The following SYNDIG1 variants were observed in gnomAD, a reference collection of about 807,000 sequenced individuals.
SYNDIG1 encodes the protein synapse differentiation-inducing gene protein 1.
In SYNDIG1, 9 loss-of-function variants were observed where a neutral mutation model predicts 19.4. The ratio of observed to expected loss-of-function variants is 0.46; its 90% CI spans 0.28 to 0.81. The LOEUF is 0.81. Ranked by LOEUF, SYNDIG1 falls within the 30% of genes least tolerant of loss-of-function variation. SYNDIG1 has a pLI of 0.12. For missense variants in SYNDIG1, 311 were observed against 343.3 expected (o/e 0.91, Z 0.74); for synonymous variants, 141 against 145.9 (o/e 0.97, Z 0.24).
intron 1 of SYNDIG1, among the ~76,000 whole-genome samples, chr20:24,542,403 A>G (rs891022307): frequency 5.3e-5 from 8 of 152,300 alleles, no homozygotes; most frequent in African/African-American, 1.7e-4. Flanking sequence ...GTGCTACTCA[A>G]GATTCTGCAT....
At chr20:24,555,375 T>C (rs2057793140) in intron 2 of SYNDIG1, among the ~76,000 whole-genome samples, 1 of 152,226 alleles carries the variant, frequency 6.6e-6, no homozygotes, top group Non-Finnish European at 1.5e-5. Flanking sequence ...CTTGCTTTTC[T>C]AGTTCTTTTA....
chr20:24,627,353 C>G (rs770561013), intron 3 of SYNDIG1, among the ~76,000 whole-genome samples: 20 of 152,176 alleles, frequency 1.3e-4, no homozygotes, highest in Non-Finnish European at 2.2e-4. Flanking sequence ...AACAGTGGTT[C>G]TCAGTCTTAT....
chr20:24,613,612 T>G (rs2058882927), intron 3 of SYNDIG1, among the ~76,000 whole-genome samples: 1 of 151,994 alleles, frequency 6.6e-6, no homozygotes, highest in Non-Finnish European at 1.5e-5. Context: ...AGGCTCTCCC[T>G]TCATGCTTGC....
intron 1 of SYNDIG1, among the ~76,000 whole-genome samples, chr20:24,511,401 C>A (rs187499702): frequency 1.5e-3 from 225 of 152,322 alleles, no homozygotes; most frequent in Non-Finnish European, 2.5e-3. Flanking sequence ...CAGCATAGAA[C>A]TTTCCCAGCA....
chr20:24,508,925 A>G (rs1040776649), intron 1 of SYNDIG1, among the ~76,000 whole-genome samples: 3 of 152,200 alleles, frequency 2.0e-5, no homozygotes, highest in East Asian at 3.8e-4. Context: ...TAAAAACCCA[A>G]TTGCCCAGAT....
intron 1 of SYNDIG1, among the ~76,000 whole-genome samples, chr20:24,477,659 G>A (rs528984628): frequency 1.3e-5 from 2 of 152,294 alleles, no homozygotes; most frequent in East Asian, 3.9e-4. Flanking sequence ...ACCTGCAGAG[G>A]TTACTGAGGG....
chr20:24,561,807 A>C (rs1208663435), intron 2 of SYNDIG1, among the ~76,000 whole-genome samples: 1 of 152,216 alleles, frequency 6.6e-6, no homozygotes, highest in African/African-American at 2.4e-5. Flanking sequence ...AATATGGACA[A>C]AGAATGTGTT....
chr20:24,637,790 C>T (rs1217057506), intron 3 of SYNDIG1, among the ~76,000 whole-genome samples: 1 of 152,206 alleles, frequency 6.6e-6, no homozygotes, highest in East Asian at 1.9e-4. Context: ...AGGCAGTGGG[C>T]TGCACCCACC....
Position 24,550,535 on chromosome 20 carries a change from GTCTC to G in SYNDIG1, c.480+6964_480+6967del, listed in dbSNP as rs1278716581. On this transcript the variant is annotated intron_variant, in intron 2 of 3. Transcript: ENST00000376862. ...TGCTTTTTTTTTTTTTTGAGACGGA[GTCTC>G]TCTCTGTCGCCCAGGCTGGAGTGCA... Among the ~76,000 whole-genome samples the G allele has an allele frequency of 2.7e-5, 4 of 149,226 alleles. No individual in the cohort carries two copies. In the East Asian group the frequency reaches 5.9e-4, roughly 22 times the overall value.
intron 1 of SYNDIG1, among the ~76,000 whole-genome samples, chr20:24,487,079 G>T (rs1338549345): frequency 2.0e-5 from 3 of 151,926 alleles, no homozygotes; most frequent in African/African-American, 4.8e-5. Flanking sequence ...TGTGGGGTGG[G>T]GGGTATTTGG....
intron 1 of SYNDIG1, among the ~76,000 whole-genome samples, chr20:24,489,100 G>A (rs527701414): frequency 6.6e-6 from 1 of 152,332 alleles, no homozygotes; most frequent in South Asian, 2.1e-4. Flanking sequence ...TTAGAAGGCA[G>A]TGTTCTAGAA....
chr20:24,492,906 G>A (rs965858337), intron 1 of SYNDIG1, among the ~76,000 whole-genome samples: 2 of 152,246 alleles, frequency 1.3e-5, no homozygotes, highest in African/African-American at 4.8e-5. Flanking sequence ...GCTGATGCAC[G>A]TGATGCTGGG....
chr20:24,661,166 G>A (rs2059581382), intron 3 of SYNDIG1, among the ~76,000 whole-genome samples: 1 of 152,178 alleles, frequency 6.6e-6, no homozygotes, highest in African/African-American at 2.4e-5. Flanking sequence ...TTAGAAAATA[G>A]GCAAAGGCTG....
At chr20:24,562,510 T>A (rs761316746) in intron 2 of SYNDIG1, among the ~76,000 whole-genome samples, 1 of 152,222 alleles carries the variant, frequency 6.6e-6, no homozygotes, top group African/African-American at 2.4e-5. Flanking sequence ...CTTTACACTA[T>A]TATCTTAGAC....
intron 3 of SYNDIG1, among the ~76,000 whole-genome samples, chr20:24,617,940 GAGA>G (rs2058967734): frequency 6.8e-6 from 1 of 147,730 alleles, no homozygotes; most frequent in Non-Finnish European, 1.5e-5. Context: ...GGGGAGTGGG[GAGA>G]GCCTGGGGAG....
At chr20:24,502,448 G>C (rs2056478243) in intron 1 of SYNDIG1, 1 of 152,220 alleles carries the variant, frequency 6.6e-6, no homozygotes, top group East Asian at 1.9e-4. Context: ...GATTCACAGA[G>C]CATCGTCCTG....
chr20:24,490,141 A>G (rs923355833), intron 1 of SYNDIG1, among the ~76,000 whole-genome samples: 1 of 152,194 alleles, frequency 6.6e-6, no homozygotes, highest in Admixed American at 6.5e-5. Context: ...GGGCAGTGAC[A>G]GGGGCAGGGC....
At chr20:24,544,562 G>A (rs1221938031) in intron 2 of SYNDIG1, among the ~76,000 whole-genome samples, 1 of 152,174 alleles carries the variant, frequency 6.6e-6, no homozygotes, top group African/African-American at 2.4e-5. Flanking sequence ...CCAGCAGCTG[G>A]GGAGTGGTCT....
At chr20:24,657,969 C>CA (rs2059545473) in intron 3 of SYNDIG1, among the ~76,000 whole-genome samples, 1 of 152,146 alleles carries the variant, frequency 6.6e-6, no homozygotes, top group Non-Finnish European at 1.5e-5. Context: ...CTTGCGGAAG[C>CA]CTGTCCCAGA....
Sources: gnomAD v4.1 joint callset for allele counts (sites outside exome capture counted in the v4.1 genomes callset) on GRCh38, gnomAD v4.1.1 for gene constraint, MANE v1.5 for transcripts, NCBI Gene and HGNC (gene_info 2026-07-23, HGNC 2026-07-21) for gene names.